Variants in PRR16 observed in about 807,000 individuals in gnomAD.
PRR16 encodes protein Largen.
PRR16 carries 6 observed loss-of-function variants against 18.2 expected under a neutral mutation model. That is an observed-to-expected ratio of 0.33 (90% CI 0.18 to 0.65). The LOEUF (loss-of-function observed/expected upper bound fraction) is 0.65, where lower values mean the gene tolerates loss of function less well. Among genes scored for constraint, PRR16 ranks in the 30% least tolerant of loss-of-function variants. PRR16 has a pLI of 0.74. For synonymous variants in PRR16, 151 were observed against 147.8 expected, an observed-to-expected ratio of 1.02 and a Z score of -0.16; for missense variants, 412 against 376.6, an observed-to-expected ratio of 1.09 and a Z score of -0.78.
chr5:120,598,195 A>C (rs752970971), intron 1 of PRR16, among the ~76,000 whole-genome samples: 3 of 151,896 alleles, frequency 2.0e-5, no homozygotes, highest in Admixed American at 6.6e-5. Context: ...GATTGAGGGC[A>C]TGTGTGCAGA....
rs1757148625 is a variant in PRR16 at position 120,687,005 on chromosome 5, C to G, written c.*296C>G. The stretch of plus-strand genomic sequence containing the variant: ...TGCAGATTTCACCTATTTTGATTTA[C>G]TATAAGAGCTGGGATTTGATTCATT... On this transcript the variant is annotated 3_prime_UTR_variant, in exon 2 of 2. Transcript: ENST00000407149. 1 of 220,696 alleles carries G rather than the reference C, an allele frequency of 4.5e-6. No homozygotes were observed. Among genetic ancestry groups the G allele is most frequent in the African/African-American group, 2.3e-5 (1 of 44,126 alleles). 13.7% of individuals were successfully genotyped at this position (220,696 alleles called of 1,614,324 possible).
chr5:120,754,002 A>G, the PRR16 span, among the ~76,000 whole-genome samples: 1 of 126,638 alleles, frequency 7.9e-6, no homozygotes, highest in Non-Finnish European at 1.6e-5. Context: ...TATATAATAT[A>G]TATATTATAT....
At chr5:120,617,879 A>G (rs1049138895) in intron 1 of PRR16, among the ~76,000 whole-genome samples, 1 of 152,140 alleles carries the variant, frequency 6.6e-6, no homozygotes, top group Non-Finnish European at 1.5e-5. Flanking sequence ...AAGTGAAAAC[A>G]TGCATAGTCA....
the PRR16 span, among the ~76,000 whole-genome samples, chr5:120,705,526 A>T: frequency 0.11 from 16,143 of 152,054 alleles, 1,067 homozygotes; most frequent in Non-Finnish European, 0.14. Context: ...TATCCAAATG[A>T]TATTTTCTGT....
At chr5:120,766,552 G>A in the PRR16 span, among the ~76,000 whole-genome samples, 1 of 151,684 alleles carries the variant, frequency 6.6e-6, no homozygotes, top group Non-Finnish European at 1.5e-5. Flanking sequence ...TTATCAAAGT[G>A]GTGACTTTTA....
the PRR16 span, among the ~76,000 whole-genome samples, chr5:120,708,328 A>T: frequency 1.3e-5 from 2 of 152,252 alleles, no homozygotes; most frequent in Non-Finnish European, 2.9e-5. Context: ...CAAAAACTTT[A>T]AAAGTTAAAT....
chr5:120,529,299 T>C (rs750270168), intron 1 of PRR16, among the ~76,000 whole-genome samples: 15 of 152,196 alleles, frequency 9.9e-5, no homozygotes, highest in Non-Finnish European at 1.9e-4. Context: ...AGCGAAGAGA[T>C]ACATAAAATT....
chr5:120,695,590 G>GT, the PRR16 span, among the ~76,000 whole-genome samples: 1 of 152,056 alleles, frequency 6.6e-6, no homozygotes, highest in Non-Finnish European at 1.5e-5. Context: ...ATACCCAATG[G>GT]AGAAACTTTC....
At chr5:120,680,007 G>A (rs1756923205) in intron 1 of PRR16, among the ~76,000 whole-genome samples, 1 of 151,984 alleles carries the variant, frequency 6.6e-6, no homozygotes, top group Non-Finnish European at 1.5e-5. Context: ...GCTCTTGTTG[G>A]GGAGAAATGG....
chr5:120,672,050 G>A, intron 1 of PRR16, among the ~76,000 whole-genome samples: 1 of 152,154 alleles, frequency 6.6e-6, no homozygotes, highest in East Asian at 1.9e-4. Context: ...CCTTTGGGAG[G>A]TTACAGTCTT....
At chr5:120,688,349 G>T (rs1409619828), downstream of PRR16, among the ~76,000 whole-genome samples, 1 of 152,090 alleles carries the variant, frequency 6.6e-6, no homozygotes, top group African/African-American at 2.4e-5. Context: ...TGAAGATAAT[G>T]AAAGCAAAAT....
At chr5:120,708,347 C>G in the PRR16 span, among the ~76,000 whole-genome samples, 1 of 152,096 alleles carries the variant, frequency 6.6e-6, no homozygotes, top group African/African-American at 2.4e-5. Flanking sequence ...ATCAAATGTT[C>G]TAGTTATGGC....
chr5:120,741,632 C>T, the PRR16 span, among the ~76,000 whole-genome samples: 1 of 152,076 alleles, frequency 6.6e-6, no homozygotes, highest in African/African-American at 2.4e-5. Context: ...GACAGTATCT[C>T]GCTCTGTTGC....
chr5:120,792,608 A>G, the PRR16 span, among the ~76,000 whole-genome samples: 1 of 152,146 alleles, frequency 6.6e-6, no homozygotes, highest in East Asian at 1.9e-4. Context: ...CTGGTGTCTT[A>G]CACATAACAT....
chr5:120,676,366 G>A (rs1043185793), intron 1 of PRR16, among the ~76,000 whole-genome samples: 2 of 152,076 alleles, frequency 1.3e-5, no homozygotes, highest in Non-Finnish European at 2.9e-5. Context: ...CTTTTGAAAT[G>A]TATATGTGAA....
the PRR16 span, among the ~76,000 whole-genome samples, chr5:120,714,714 C>T: frequency 1.3e-5 from 2 of 151,924 alleles, no homozygotes; most frequent in African/African-American, 2.4e-5. Context: ...GCACTATTTA[C>T]AATAGGAAAG....
At chr5:120,636,761 C>G (rs569391111) in intron 1 of PRR16, among the ~76,000 whole-genome samples, 95 of 152,094 alleles carry the variant, frequency 6.2e-4, no homozygotes, top group East Asian at 1.9e-3. Flanking sequence ...GGAAATGCAA[C>G]AAAAACGAAG....
intron 1 of PRR16, among the ~76,000 whole-genome samples, chr5:120,643,866 A>T: frequency 6.6e-6 from 1 of 151,998 alleles, no homozygotes; most frequent in East Asian, 1.9e-4. Context: ...TTAGCCCGGC[A>T]TGGTGGTGGG....
At chr5:120,554,006 T>C (rs961985699) in intron 1 of PRR16, among the ~76,000 whole-genome samples, 15 of 151,962 alleles carry the variant, frequency 9.9e-5, no homozygotes, top group Non-Finnish European at 1.3e-4. Context: ...TTTTTAAAAT[T>C]AGTTAAATCC....
Sources: gnomAD v4.1 joint callset for allele counts (sites outside exome capture counted in the v4.1 genomes callset) on GRCh38, gnomAD v4.1.1 for gene constraint, MANE v1.5 for transcripts, NCBI Gene and HGNC (gene_info 2026-07-23, HGNC 2026-07-21) for gene names.